The following TRERF1 variants were observed in gnomAD, a reference collection of about 807,000 sequenced individuals.
TRERF1 encodes the protein transcriptional-regulating factor 1.
Under a neutral mutation model 122.9 loss-of-function variants are expected in TRERF1, and 27 were observed. The ratio of observed to expected loss-of-function variants is 0.22; its 90% CI spans 0.16 to 0.30. The LOEUF (loss-of-function observed/expected upper bound fraction) is 0.30, where lower values mean the gene tolerates loss of function less well. Among genes scored for constraint, TRERF1 ranks in the 10% least tolerant of loss-of-function variants. TRERF1 has a pLI of 1.00. For synonymous variants in TRERF1, 636 were observed against 641.7 expected, an observed-to-expected ratio of 0.99 and a Z score of 0.13; for missense variants, 1,248 against 1,560.3, an observed-to-expected ratio of 0.80 and a Z score of 3.37.
intron 3 of TRERF1, among the ~76,000 whole-genome samples, chr6:42,320,093 G>A (rs1243273042): frequency 6.6e-6 from 1 of 151,878 alleles, no homozygotes; most frequent in African/African-American, 2.4e-5. Context: ...TAGAGATGGG[G>A]TTTCACCATG....
intron 4 of TRERF1, among the ~76,000 whole-genome samples, chr6:42,284,650 C>T (rs544989769): frequency 6.6e-6 from 1 of 152,166 alleles, no homozygotes; most frequent in Admixed American, 6.5e-5. Context: ...CAACACAGCC[C>T]GTGACTACAT....
At chr6:42,385,799 C>T (rs1776701133) in intron 2 of TRERF1, among the ~76,000 whole-genome samples, 1 of 152,208 alleles carries the variant, frequency 6.6e-6, no homozygotes, top group Non-Finnish European at 1.5e-5. Flanking sequence ...TGGGCTACAG[C>T]AATATTTATT....
At chr6:42,346,181 G>C (rs1295599871) in intron 3 of TRERF1, among the ~76,000 whole-genome samples, 4 of 152,214 alleles carry the variant, frequency 2.6e-5, no homozygotes, top group Non-Finnish European at 5.9e-5. Flanking sequence ...CCAGGGTGCT[G>C]AGGTTGGAGA....
chr6:42,303,833 G>A (rs755062721), intron 3 of TRERF1, among the ~76,000 whole-genome samples: 1 of 146,654 alleles, frequency 6.8e-6, no homozygotes. Flanking sequence ...AATCTGGGAG[G>A]TGAAGGCTGC....
exon 18 of TRERF1, chr6:42,227,050 G>A (rs1359602557): frequency 6.6e-6 from 1 of 152,230 alleles, no homozygotes; most frequent in Non-Finnish European, 1.5e-5. Context: ...AAGGATTACA[G>A]GTTTATTACC....
At chr6:42,433,869 T>C (rs533175868) in intron 2 of TRERF1, among the ~76,000 whole-genome samples, 43 of 152,040 alleles carry the variant, frequency 2.8e-4, no homozygotes, top group Non-Finnish European at 3.8e-4. Flanking sequence ...AAAAAAATTT[T>C]TTTTAATTAT....
At chr6:42,272,374 C>G (rs887814992) in intron 4 of TRERF1, among the ~76,000 whole-genome samples, 2 of 151,988 alleles carry the variant, frequency 1.3e-5, no homozygotes, top group African/African-American at 4.8e-5. Flanking sequence ...GGAGGGTGGC[C>G]AAGGATGGCT....
intron 2 of TRERF1, among the ~76,000 whole-genome samples, chr6:42,404,699 G>C (rs565904616): frequency 6.6e-6 from 1 of 151,858 alleles, no homozygotes; most frequent in South Asian, 2.1e-4. Flanking sequence ...TGATCCTACC[G>C]TCTAACCGCT....
rs988181115 is a variant in TRERF1, at chr6:42,393,909, T to C, written c.-453-30830A>G. ...AAGCAGGCAAACTCTCCAATGTATATATGCAGGAAAAAAAAAAAAAAAAAG... is the reference window on the plus strand; with the variant it reads ...AAGCAGGCAAACTCTCCAATGTATACATGCAGGAAAAAAAAAAAAAAAAAG... On this transcript the variant is annotated intron_variant, in intron 2 of 17. Transcript: ENST00000372922. This position sits in a 1 kb window ranked among gnomAD's most constrained non-coding sequence, Gnocchi z 4.1. 6.3e-5 allele frequency among the ~76,000 whole-genome samples: 9 copies of C among 142,280 alleles called. No homozygotes were observed. The highest frequency in any genetic ancestry group is 1.4e-4 in the Non-Finnish European group (9 of 66,196). The allele number at this position is 142,280 out of a possible 152,430, so 93.3% of individuals were successfully genotyped here. A position where few individuals can be genotyped will look rare whatever the true frequency, so the allele number is the denominator to read the frequency against.
At chr6:42,315,043 A>G (rs1762262215) in intron 3 of TRERF1, among the ~76,000 whole-genome samples, 1 of 152,196 alleles carries the variant, frequency 6.6e-6, no homozygotes, top group East Asian at 1.9e-4. Context: ...GGTGACAGCG[A>G]GTGCAGTGGC....
At chr6:42,404,938 G>A (rs892487184) in intron 2 of TRERF1, among the ~76,000 whole-genome samples, 16 of 152,258 alleles carry the variant, frequency 1.1e-4, no homozygotes, top group African/African-American at 3.9e-4. Context: ...TACATATTTA[G>A]TCAAAGCTAA....
chr6:42,430,932 G>T (rs1285079887), intron 2 of TRERF1, among the ~76,000 whole-genome samples: 1 of 149,308 alleles, frequency 6.7e-6, no homozygotes, highest in Non-Finnish European at 1.5e-5. Flanking sequence ...GTTGTGGCAG[G>T]CAACTGAATC....
At chr6:42,244,993 C>T (rs916398976) in intron 14 of TRERF1, among the ~76,000 whole-genome samples, 2 of 152,246 alleles carry the variant, frequency 1.3e-5, no homozygotes, top group Non-Finnish European at 2.9e-5. Flanking sequence ...ATGAGAGGGG[C>T]ACCCAGTCCT....
At chr6:42,408,365 A>C (rs1780608237) in intron 2 of TRERF1, among the ~76,000 whole-genome samples, 2 of 87,962 alleles carry the variant, frequency 2.3e-5, no homozygotes, top group Non-Finnish European at 4.8e-5. Context: ...GTATATATAT[A>C]TATATATCTT....
exon 18 of TRERF1, chr6:42,226,005 T>C (rs555036867): frequency 2.6e-5 from 4 of 152,124 alleles, no homozygotes; most frequent in African/African-American, 4.8e-5. Context: ...ACACAACACA[T>C]ACATGCAGGC....
chr6:42,261,159 G>C (rs1385140356), intron 8 of TRERF1, among the ~76,000 whole-genome samples: 1 of 152,196 alleles, frequency 6.6e-6, no homozygotes, highest in African/African-American at 2.4e-5. Context: ...AGGAGAATGG[G>C]GGAAGGAGGC....
At chr6:42,379,073 T>C (rs1195211650) in intron 2 of TRERF1, among the ~76,000 whole-genome samples, 1 of 152,158 alleles carries the variant, frequency 6.6e-6, no homozygotes. Flanking sequence ...TAAGCCGTGA[T>C]GGCACCACTG....
In TRERF1 at chr6:42,233,499, A is replaced by C. The variant is rs1035258108; in HGVS notation, c.3067-607T>G. ...ACAGGGTTTCACCGTGTTAGCCAGG[A>C]TGGTCTCGATCTCCTGACCTTGTGA... On this transcript the variant is annotated intron_variant, in intron 16 of 17. Coordinates refer to ENST00000372922, the Ensembl canonical transcript of TRERF1. 5.9e-5 allele frequency among the ~76,000 whole-genome samples: 9 copies of C among 151,962 alleles called. No individual in the cohort carries two copies. The South Asian group carries it at 8.3e-4, about 14-fold the overall frequency.
chr6:42,246,735 A>G (rs1427420529), intron 13 of TRERF1, among the ~76,000 whole-genome samples, 191 bp from the exon 14 acceptor site: 1 of 152,200 alleles, frequency 6.6e-6, no homozygotes, highest in Non-Finnish European at 1.5e-5. Context: ...AGTCCCAGCT[A>G]TGGCCTTGAC....
Sources: allele counts gnomAD v4.1 joint callset (sites outside exome capture counted in the v4.1 genomes callset), GRCh38; gene constraint gnomAD v4.1.1; non-coding constraint Gnocchi (gnomAD v3.1); transcripts MANE v1.5; gene names NCBI Gene and HGNC (gene_info 2026-07-23, HGNC 2026-07-21).